The following IFT140 variants were observed in gnomAD, a reference collection of about 807,000 sequenced individuals.
The protein encoded by IFT140 is intraflagellar transport 140, also known as intraflagellar transport protein 140 homolog.
Under a neutral mutation model 164.6 loss-of-function variants are expected in IFT140, and 133 were observed. The observed-to-expected ratio is 0.81, with a 90% CI of 0.70 to 0.93. IFT140 has a LOEUF of 0.93. Among genes scored for constraint, IFT140 ranks in the 40% least tolerant of loss-of-function variants. The pLI is 0.00. For missense variants in IFT140, 2,045 were observed against 1,972.3 expected (o/e 1.04, Z -0.70); for synonymous variants, 860 against 817.3 (o/e 1.05, Z -0.89).
intron 30 of IFT140, among the ~76,000 whole-genome samples, chr16:1,513,919 C>A (rs62012852): frequency 1.4e-5 from 2 of 144,048 alleles, no homozygotes; most frequent in African/African-American, 5.2e-5. Flanking sequence ...ATGATCTGCC[C>A]GCCTTGGCCT....
At chr16:1,559,979 C>T (rs2033315395) in intron 18 of IFT140, among the ~76,000 whole-genome samples, 1 of 152,194 alleles carries the variant, frequency 6.6e-6, no homozygotes, top group Admixed American at 6.5e-5. Context: ...GAGAAAAGAA[C>T]AGATGCATGA....
At chr16:1,584,719 T>C (rs1346102511) in intron 10 of IFT140, among the ~76,000 whole-genome samples, 1 of 152,084 alleles carries the variant, frequency 6.6e-6, no homozygotes, top group African/African-American at 2.4e-5. Context: ...GGGACACACT[T>C]TTCTGAGTGT....
intron 15 of IFT140, among the ~76,000 whole-genome samples, chr16:1,567,654 C>T (rs1322839330): frequency 4.6e-5 from 7 of 152,350 alleles, no homozygotes; most frequent in African/African-American, 7.2e-5. Flanking sequence ...AGATCAGTCA[C>T]GGCCCTTGAA....
At chr16:1,520,387 C>T (rs536410654) in intron 27 of IFT140, 44 bp from the exon 28 acceptor site, 9 of 1,599,054 alleles carry the variant, frequency 5.6e-6, no homozygotes, top group Middle Eastern at 1.7e-4. Context: ...GGGGCTGGGC[C>T]GGGACAAGCA....
rs186611876 is a variant in IFT140 at position 1,544,344 on chromosome 16, C to T, written c.2399+13591G>A. Among the ~76,000 whole-genome samples the T allele has an allele frequency of 1.5e-4, 22 of 151,116 alleles. No individual in the cohort carries two copies. In the East Asian group the frequency reaches 3.5e-3, roughly 24 times the overall value. On this transcript the variant is annotated intron_variant, in intron 19 of 30. Coordinates refer to ENST00000426508, the MANE Select transcript of IFT140 (RefSeq NM_014714.4). ...GACTACAGGCGCCCGCCACCATGCC[C>T]GGCTAATTTTTTTTGTATTTTTAGT...
chr16:1,536,115 C>T (rs1218172502), intron 19 of IFT140, among the ~76,000 whole-genome samples: 1 of 152,250 alleles, frequency 6.6e-6, no homozygotes, highest in Non-Finnish European at 1.5e-5. Flanking sequence ...GAGTTCCCAG[C>T]CGGCCCTTGG....
At chr16:1,537,955 C>T (rs550634030) in intron 19 of IFT140, among the ~76,000 whole-genome samples, 4 of 152,340 alleles carry the variant, frequency 2.6e-5, no homozygotes, top group African/African-American at 4.8e-5. Context: ...ACCCCCTGCT[C>T]GGCCAGGACC....
intron 20 of IFT140, 78 bp from the exon 21 acceptor site, chr16:1,526,155 C>T: frequency 6.7e-6 from 9 of 1,344,202 alleles, no homozygotes; most frequent in Non-Finnish European, 9.1e-6. Context: ...CGCCAGGCCA[C>T]CGGTCACCGC....
intron 19 of IFT140, among the ~76,000 whole-genome samples, chr16:1,557,048 G>A (rs1158837973): frequency 6.6e-6 from 1 of 152,112 alleles, no homozygotes; most frequent in Non-Finnish European, 1.5e-5. Flanking sequence ...ACGAACTCCC[G>A]ACCTCAGGTG....
Position 1,553,879 on chromosome 16 carries a change from C to T in IFT140, c.2399+4056G>A, listed in dbSNP as rs1011706779. 8 of 1,257,050 alleles carry T rather than the reference C, an allele frequency of 6.4e-6. No individual in the cohort carries two copies. Among genetic ancestry groups the T allele is most frequent in the African/African-American group, 3.1e-5 (2 of 64,738 alleles). The allele number at this position is 1,257,050 out of a possible 1,614,324, so 77.9% of individuals were successfully genotyped here. On this transcript the variant is annotated intron_variant, in intron 19 of 30. Transcript: ENST00000426508. This position sits in a 1 kb window ranked among gnomAD's most constrained non-coding sequence, Gnocchi z 4.4. ...TATCCTAGTTGGTAGACTCTAGTCA[C>T]GAAACCCTGATTTTCCTGTTGTAAG...
intron 17 of IFT140, among the ~76,000 whole-genome samples, chr16:1,562,959 A>T (rs1248585668): frequency 6.6e-6 from 1 of 152,144 alleles, no homozygotes; most frequent in Non-Finnish European, 1.5e-5. Flanking sequence ...AAACCAGAAG[A>T]GGTGAAGGGA....
chr16:1,511,274 C>G, intron 30 of IFT140, 124 bp from the exon 31 acceptor site: 1 of 841,390 alleles, frequency 1.2e-6, no homozygotes. Flanking sequence ...CTGGAGGACA[C>G]GGGGTGCACT....
At chr16:1,582,052 G>A (rs963729744) in intron 12 of IFT140, among the ~76,000 whole-genome samples, 1 of 152,164 alleles carries the variant, frequency 6.6e-6, no homozygotes, top group Admixed American at 6.5e-5. Flanking sequence ...GTGTGGGCAG[G>A]CGGCTGAGGG....
At chr16:1,511,303 T>G (rs1432243652) in intron 30 of IFT140, among the ~76,000 whole-genome samples, 153 bp from the exon 31 acceptor site, 2 of 152,024 alleles carry the variant, frequency 1.3e-5, no homozygotes, top group African/African-American at 2.4e-5. Flanking sequence ...CCATTGGTGA[T>G]GGGGGAATGT....
chr16:1,569,003 GTT>G (rs58205807), intron 14 of IFT140, among the ~76,000 whole-genome samples: 2,786 of 126,150 alleles, frequency 0.022, 58 homozygotes, highest in African/African-American at 0.077. Context: ...GTGGTAGCTT[GTT>G]TTTTTTTTTT....
intron 13 of IFT140, chr16:1,577,083 G>A (rs1042906054): frequency 6.6e-5 from 10 of 152,184 alleles, no homozygotes; most frequent in African/African-American, 2.2e-4. Flanking sequence ...ACTGTAAAAG[G>A]TGAATAACCC....
At chr16:1,516,163 A>AC (rs1567318519) in intron 30 of IFT140, among the ~76,000 whole-genome samples, 1 of 95,254 alleles carries the variant, frequency 1.0e-5, no homozygotes, top group Non-Finnish European at 2.0e-5. Context: ...AAAAAAAAAA[A>AC]AAAAAAAAAA....
In IFT140 at chr16:1,518,292, A is replaced by G; in HGVS notation, c.4106T>C (p.Leu1369Pro). Residue 1369 changes from leucine (L) to proline (P), a missense_variant, in exon 30 of 31, where the codon CTG (leucine) becomes CCG (proline). Transcript: ENST00000426508. ...GTCCCCGATGCGGATGGTGCTGTCC[A>G]GGTCTGGTTCCTCCAGGAGCAGCTC... ...QCELLLEEPD[L>P]DSTIRIGDVY... is the part of the protein sequence containing the mutation. 1 of 1,614,110 alleles carries G rather than the reference A, an allele frequency of 6.2e-7. No homozygotes were observed. The highest frequency in any genetic ancestry group is 8.5e-7 in the Non-Finnish European group (1 of 1,180,018).
At chr16:1,549,995 C>T (rs974835849) in intron 19 of IFT140, among the ~76,000 whole-genome samples, 2 of 151,858 alleles carry the variant, frequency 1.3e-5, no homozygotes, top group African/African-American at 4.8e-5. Context: ...TCTTTTTTGT[C>T]GCCCAGGCTG....
Sources: gnomAD v4.1 joint callset for allele counts (sites outside exome capture counted in the v4.1 genomes callset) on GRCh38, gnomAD v4.1.1 for gene constraint, Gnocchi (gnomAD v3.1) non-coding constraint, MANE v1.5 for transcripts, NCBI Gene and HGNC (gene_info 2026-07-23, HGNC 2026-07-21) for gene names.